DDX4: variants seen among roughly 807,000 people sequenced by gnomAD.
DDX4 encodes DEAD-box helicase 4.
In DDX4, 25 loss-of-function variants were observed where a neutral mutation model predicts 100.0. The ratio of observed to expected loss-of-function variants is 0.25; its 90% CI spans 0.18 to 0.35. The LOEUF is 0.35. DDX4 is among the 10% of genes least tolerant of loss of function. DDX4 has a pLI of 1.00. For synonymous variants in DDX4, 259 were observed against 275.7 expected (o/e 0.94, Z 0.60); for missense variants, 635 against 882.4 (o/e 0.72, Z 3.55).
At chr5:55,749,386 C>T (rs1759416879) in intron 3 of DDX4, among the ~76,000 whole-genome samples, 1 of 152,116 alleles carries the variant, frequency 6.6e-6, no homozygotes, top group Non-Finnish European at 1.5e-5. Context: ...GAGCATTGAT[C>T]ACACTACTGC....
chr5:55,787,709 T>C, intron 14 of DDX4, 137 bp from the exon 15 acceptor site: 1 of 887,548 alleles, frequency 1.1e-6, no homozygotes, highest in Non-Finnish European at 1.6e-6. Flanking sequence ...GAAATGAAAG[T>C]TGTTTTCATT....
At chr5:55,767,774 A>C in intron 6 of DDX4, 107 bp from the exon 7 acceptor site, 1 of 728,086 alleles carries the variant, frequency 1.4e-6, no homozygotes, top group Middle Eastern at 2.6e-4. Context: ...TTAACTTATG[A>C]AAATATTTTG....
At chr5:55,751,911 C>A (rs932091573) in intron 3 of DDX4, among the ~76,000 whole-genome samples, 4 of 152,168 alleles carry the variant, frequency 2.6e-5, no homozygotes, top group Admixed American at 2.0e-4. Context: ...TTGCCTTTCA[C>A]ATTGAGCTTT....
intron 10 of DDX4, among the ~76,000 whole-genome samples, chr5:55,782,888 A>G (rs1742012152): frequency 1.3e-5 from 2 of 148,744 alleles, no homozygotes; most frequent in African/African-American, 5.0e-5. Context: ...TATCGCCTCC[A>G]GAGTTCAAGC....
intron 7 of DDX4, among the ~76,000 whole-genome samples, chr5:55,779,452 G>T (rs1741773822): frequency 6.6e-6 from 1 of 152,104 alleles, no homozygotes; most frequent in Admixed American, 6.6e-5. Flanking sequence ...TCTGCCCTAT[G>T]AGTCTGCTCT....
At chr5:55,795,052 G>A (rs1742840289) in intron 17 of DDX4, among the ~76,000 whole-genome samples, 2 of 148,116 alleles carry the variant, frequency 1.4e-5, no homozygotes, top group Non-Finnish European at 3.0e-5. Context: ...CGCAACCTCC[G>A]CCTCCAGGGT....
At chr5:55,781,793 A>G (rs1428183486) in intron 9 of DDX4, 141 bp from the exon 10 acceptor site, 3 of 929,058 alleles carry the variant, frequency 3.2e-6, no homozygotes, top group Non-Finnish European at 1.6e-6. Flanking sequence ...AAAAAAGTTA[A>G]ATCTAAAATT....
Position 55,786,708 on chromosome 5 carries a change from T to C in DDX4, c.1017+38T>C, listed in dbSNP as rs770636788. On this transcript the variant is annotated intron_variant, in intron 14 of 21. Transcript: ENST00000505374. ...CCACATGTCCAAACTGTTAGGTTTT[T>C]TGAGCTTTGGTTCTTCCTTAGTAAC... 19 of 1,574,420 alleles carry C rather than the reference T, an allele frequency of 1.2e-5. No individual in the cohort carries two copies. In the South Asian group the frequency reaches 1.7e-4, roughly 14 times the overall value.
intron 6 of DDX4, among the ~76,000 whole-genome samples, chr5:55,765,413 A>AAAATATATATAT (rs1392558099): frequency 1.0e-3 from 85 of 82,986 alleles, no homozygotes; most frequent in Non-Finnish European, 1.6e-3. Flanking sequence ...AAAAAAAAAA[A>AAAATATATATAT]ATATATATAT....
At chr5:55,761,589 T>G (rs1740552243) in intron 4 of DDX4, among the ~76,000 whole-genome samples, 1 of 151,260 alleles carries the variant, frequency 6.6e-6, no homozygotes, top group Non-Finnish European at 1.5e-5. Context: ...TCTTCTAACA[T>G]TTTATATAGT....
intron 3 of DDX4, among the ~76,000 whole-genome samples, chr5:55,758,790 TA>T (rs1247665086): frequency 6.6e-6 from 1 of 150,706 alleles, no homozygotes; most frequent in Non-Finnish European, 1.5e-5. Context: ...AGTAGTTGGT[TA>T]CCCTGGCAAA....
chr5:55,792,628 A>G lies in DDX4; in HGVS notation c.1303-13A>G. On this transcript the variant is annotated splice_polypyrimidine_tract_variant and intron_variant, in intron 16 of 21. Transcript: ENST00000505374. ...ATGCATTTTCTGTTTTACCTTTGAAAATATCCTTAAAGATTGGTCTCAAAC... is the reference window on the plus strand; with the variant it reads ...ATGCATTTTCTGTTTTACCTTTGAAGATATCCTTAAAGATTGGTCTCAAAC... The G allele has an allele frequency of 6.8e-7, 1 of 1,468,752 alleles. No individual in the cohort carries two copies. The highest frequency in any genetic ancestry group is 1.3e-5 in the South Asian group (1 of 74,250). 91.0% of individuals were successfully genotyped at this position (1,468,752 alleles called of 1,614,324 possible).
At chr5:55,746,980 C>G (rs1362189180) in intron 3 of DDX4, among the ~76,000 whole-genome samples, 1 of 152,154 alleles carries the variant, frequency 6.6e-6, no homozygotes, top group Non-Finnish European at 1.5e-5. Context: ...GCCTGTAATC[C>G]CAGCACTTTG....
At chr5:55,740,965 A>G (rs1044149271) in intron 2 of DDX4, among the ~76,000 whole-genome samples, 1 of 151,910 alleles carries the variant, frequency 6.6e-6, no homozygotes, top group Non-Finnish European at 1.5e-5. Context: ...TAATTTGGTA[A>G]TTTTTTTCAA....
chr5:55,775,804 G>A (rs140061129), intron 7 of DDX4, among the ~76,000 whole-genome samples: 266 of 152,136 alleles, frequency 1.7e-3, no homozygotes, highest in Non-Finnish European at 2.5e-3. Context: ...TACCTTCTGG[G>A]AGGACTCAGG....
intron 3 of DDX4, among the ~76,000 whole-genome samples, chr5:55,755,991 C>T (rs557273299): frequency 5.1e-4 from 77 of 152,176 alleles, no homozygotes; most frequent in Non-Finnish European, 9.1e-4. Context: ...TATAAAATGG[C>T]GTCATACATT....
chr5:55,771,524 G>C (rs1027831482), intron 7 of DDX4, among the ~76,000 whole-genome samples: 1 of 151,948 alleles, frequency 6.6e-6, no homozygotes, highest in Non-Finnish European at 1.5e-5. Context: ...TCCAGTTTGG[G>C]GCCATTGTGA....
At chr5:55,786,781 TGTCATAA>T in intron 14 of DDX4, 111 bp downstream of exon 14, 3 of 802,650 alleles carry the variant, frequency 3.7e-6, no homozygotes, top group Non-Finnish European at 4.1e-6. Flanking sequence ...TTCAGTTACC[TGTCATAA>T]GTATTGATGG....
At chr5:55,813,588 T>C in intron 18 of DDX4, 85 bp from the exon 19 acceptor site, 1 of 1,426,476 alleles carries the variant, frequency 7.0e-7, no homozygotes, top group South Asian at 1.8e-5. Context: ...CAAAGTTTCA[T>C]ATTCAAGCAC....
Sources: gnomAD v4.1 joint callset for allele counts (sites outside exome capture counted in the v4.1 genomes callset) on GRCh38, gnomAD v4.1.1 for gene constraint, MANE v1.5 for transcripts, NCBI Gene and HGNC (gene_info 2026-07-23, HGNC 2026-07-21) for gene names.